Variants in ARHGAP33 observed in about 807,000 individuals in gnomAD.
The protein encoded by ARHGAP33 is rho GTPase-activating protein 33.
Under a neutral mutation model 126.2 loss-of-function variants are expected in ARHGAP33, and 57 were observed. That is an observed-to-expected ratio of 0.45 (90% CI 0.36 to 0.56). The LOEUF (loss-of-function observed/expected upper bound fraction) is 0.56, where lower values mean the gene tolerates loss of function less well. Among genes scored for constraint, ARHGAP33 ranks in the 20% least tolerant of loss-of-function variants. The pLI, the probability that ARHGAP33 is intolerant of heterozygous loss-of-function variation, is 0.00. For missense variants in ARHGAP33, 1,500 were observed against 1,748.3 expected, an observed-to-expected ratio of 0.86 and a Z score of 2.53; for synonymous variants, 711 against 755.0, an observed-to-expected ratio of 0.94 and a Z score of 0.95.
chr19:35,784,549 C>T (rs1196804824), intron 16 of ARHGAP33: 4 of 1,318,188 alleles, frequency 3.0e-6, no homozygotes, highest in Middle Eastern at 2.8e-4. Context: ...TCCTTCACCC[C>T]TTGTAGCTCC....
intron 16 of ARHGAP33, 192 bp from the exon 17 acceptor site, chr19:35,784,761 C>A: frequency 7.3e-7 from 1 of 1,360,680 alleles, no homozygotes. Context: ...GCCTCCTCAT[C>A]AGCTCGTCCC....
At position 35,782,737 on chromosome 19, in the gene ARHGAP33, G is replaced by A. The variant is rs949420009; in HGVS notation, c.1314-25G>A. 2 of 1,611,298 alleles carry A rather than the reference G, an allele frequency of 1.2e-6. No homozygotes were observed. The highest frequency in any genetic ancestry group is 1.7e-6 in the Non-Finnish European group (2 of 1,178,632). ...GGATTCCAAGGGGGTTGAGGCTCAG[G>A]TGCCCCCTCTGCTCCCACCCCCAGG... On this transcript the variant is annotated intron_variant, in intron 14 of 20. Coordinates refer to ENST00000007510, the MANE Select transcript of ARHGAP33 (RefSeq NM_001366178.1). This position sits in a 1 kb window ranked among gnomAD's most constrained non-coding sequence, Gnocchi z 4.1.
intron 15 of ARHGAP33, among the ~76,000 whole-genome samples, chr19:35,783,354 G>C (rs1448781900): frequency 6.6e-6 from 1 of 152,220 alleles, no homozygotes; most frequent in Non-Finnish European, 1.5e-5. Flanking sequence ...GTCAGAGGAC[G>C]GGCGTAAGAT....
At chr19:35,784,642 C>G (rs1460278588) in intron 16 of ARHGAP33, 1 of 802,706 alleles carries the variant, frequency 1.2e-6, no homozygotes, top group Non-Finnish European at 1.6e-6. Flanking sequence ...CACCCAGACT[C>G]CCCGCCCTGC....
rs1599788480 is a variant in ARHGAP33, at chr19:35,782,958, G to A, written c.1421+89G>A. 8.7e-6 allele frequency: 10 copies of A among 1,153,934 alleles called. No individual in the cohort carries two copies. The highest frequency in any genetic ancestry group is 2.6e-5 in the East Asian group (1 of 38,926). The allele number at this position is 1,153,934 out of a possible 1,614,324, so 71.5% of individuals were successfully genotyped here. A position where few individuals can be genotyped will look rare whatever the true frequency, so the allele number is the denominator to read the frequency against. On this transcript the variant is annotated intron_variant, in intron 15 of 20. Transcript: ENST00000007510. The surrounding 1 kb of genome is among the most constrained non-coding windows in gnomAD (Gnocchi z 4.1). ...CCAGCTTTTCTTTTGTTTATTCATCGAATACGTGTCTATCAAATACCTCCC... is the reference window on the plus strand; with the variant it reads ...CCAGCTTTTCTTTTGTTTATTCATCAAATACGTGTCTATCAAATACCTCCC...
intron 4 of ARHGAP33, 34 bp from the exon 5 acceptor site, chr19:35,778,430 G>T: frequency 6.2e-7 from 1 of 1,614,084 alleles, no homozygotes; most frequent in Non-Finnish European, 8.5e-7. Flanking sequence ...GTGTCATGGG[G>T]CCCCTGCTCC....
Position 35,786,898 on chromosome 19 carries a change from C to T in ARHGAP33, c.2428C>T (p.Leu810=). 1 of 1,609,320 alleles carries T rather than the reference C, an allele frequency of 6.2e-7. No individual in the cohort carries two copies. The highest frequency in any genetic ancestry group is 8.5e-7 in the Non-Finnish European group (1 of 1,179,272). ...ATCAGTGCCACCCGCTGTCCTAGAA[C>T]TGCTGGGGGCTGGGGGAGCACCTGC... is the stretch of plus-strand genomic sequence containing the variant. ...AVSVPPAVLE[L]LGAGGAPASA... Residue 810 remains leucine, a synonymous_variant, in exon 20 of 21, where the codon CTG becomes TTG. Coordinates refer to ENST00000007510, the MANE Select transcript of ARHGAP33 (RefSeq NM_001366178.1). The surrounding 1 kb of genome is among the most constrained non-coding windows in gnomAD (Gnocchi z 7.0).
chr19:35,786,607 C>A lies in ARHGAP33; in HGVS notation c.2137C>A (p.Arg713Ser), dbSNP rs866706409. ...GGCACTCTCTGGGTCTCCCTCACAC[C>A]GTACCTCAGCCTGGCTAGATGATGG... ...LGALSGSPSH[R>S]TSAWLDDGDE... Residue 713 changes from arginine (R) to serine (S), a missense_variant, in exon 20 of 21, where the codon CGT (arginine) becomes AGT (serine). Physicochemically the swap from Arg to Ser is moderately radical, Grantham distance 110 (BLOSUM62 -1). This residue lies in a region of ARHGAP33 where 300 missense variants were observed against 291.1 expected (regional missense o/e 1.03). Transcript: ENST00000007510. This position sits in a 1 kb window ranked among gnomAD's most constrained non-coding sequence, Gnocchi z 7.0. 1.3e-6 allele frequency: 2 copies of A among 1,535,960 alleles called. No individual in the cohort carries two copies. Among genetic ancestry groups the A allele is most frequent in the Non-Finnish European group, 1.7e-6 (2 of 1,146,830 alleles).
chr19:35,779,316 G>A, intron 6 of ARHGAP33, 192 bp downstream of exon 6: 1 of 579,140 alleles, frequency 1.7e-6, no homozygotes, highest in Non-Finnish European at 3.1e-6. Flanking sequence ...GTGCACGTGT[G>A]TGTGTTAGCA....
At chr19:35,778,740 C>T in intron 5 of ARHGAP33, 139 bp downstream of exon 5, 6 of 1,256,214 alleles carry the variant, frequency 4.8e-6, no homozygotes, top group Non-Finnish European at 5.4e-6. Flanking sequence ...AATGGAGAAG[C>T]CTTAGAAACG....
Position 35,786,050 on chromosome 19 carries a change from G to A in ARHGAP33, c.1943-363G>A, listed in dbSNP as rs553051927. The A allele has an allele frequency of 2.2e-5, 26 of 1,164,724 alleles. No individual in the cohort carries two copies. Among genetic ancestry groups the A allele is most frequent in the African/African-American group, 1.4e-4 (9 of 62,916 alleles). 72.1% of individuals were successfully genotyped at this position (1,164,724 alleles called of 1,614,324 possible). A position where few individuals can be genotyped will look rare whatever the true frequency, so the allele number is the denominator to read the frequency against. On this transcript the variant is annotated intron_variant, in intron 19 of 20. Coordinates refer to ENST00000007510, the MANE Select transcript of ARHGAP33 (RefSeq NM_001366178.1). The surrounding 1 kb of genome is among the most constrained non-coding windows in gnomAD (Gnocchi z 7.0). ...TGCTGCTCTCCGACCTCTGCGGGGG[G>A]CTGCTTATCCACCCCACCCAGCCGT...
Position 35,777,675 on chromosome 19 carries a change from G to C in ARHGAP33, c.37G>C (p.Gly13Arg). Reference protein sequence around the residue: ...ARSTDSLDGPGEGSVQPLPTA... With the variant: ...ARSTDSLDGPREGSVQPLPTA... Reference sequence around the variant, plus strand: ...CAGCACTGACAGCCTGGATGGCCCAGGGGAGGGCTCGGTGCAGCCTCTACC... The same window carrying C: ...CAGCACTGACAGCCTGGATGGCCCACGGGAGGGCTCGGTGCAGCCTCTACC... Residue 13 changes from glycine to arginine, a missense_variant, in exon 2 of 21, where the codon GGG becomes CGG. This residue lies in a region of ARHGAP33 where 129 missense variants were observed against 145.9 expected (regional missense o/e 0.88). Coordinates refer to ENST00000007510, the MANE Select transcript of ARHGAP33 (RefSeq NM_001366178.1). The C allele has an allele frequency of 6.3e-7, 1 of 1,586,012 alleles. No homozygotes were observed. Among genetic ancestry groups the C allele is most frequent in the South Asian group, 1.1e-5 (1 of 87,858 alleles).
chr19:35,784,848 G>T, intron 16 of ARHGAP33, 105 bp from the exon 17 acceptor site: 2 of 1,250,718 alleles, frequency 1.6e-6, no homozygotes, highest in Non-Finnish European at 1.0e-6. Context: ...TTGCCAGCCC[G>T]GGTGGGCATG....
intron 19 of ARHGAP33, 103 bp downstream of exon 19, chr19:35,785,586 G>A (rs1972071250): frequency 4.5e-6 from 7 of 1,549,032 alleles, no homozygotes; most frequent in Admixed American, 2.0e-5. Context: ...CACATTTGGG[G>A]GCCCTGGGGC....
At position 35,782,730 on chromosome 19, in the gene ARHGAP33, G is replaced by A. The variant is rs757289496; in HGVS notation, c.1314-32G>A. 5.0e-6 allele frequency: 8 copies of A among 1,611,120 alleles called. 1 individual carries two copies. In the South Asian group the frequency reaches 7.7e-5, roughly 16 times the overall value. ...CTTGGTGGGATTCCAAGGGGGTTGA[G>A]GCTCAGGTGCCCCCTCTGCTCCCAC... On this transcript the variant is annotated intron_variant, in intron 14 of 20. Coordinates refer to ENST00000007510, the MANE Select transcript of ARHGAP33 (RefSeq NM_001366178.1). The surrounding 1 kb of genome is among the most constrained non-coding windows in gnomAD (Gnocchi z 4.1).
rs764058770 is a variant in ARHGAP33 at position 35,780,625 on chromosome 19, G to C, written c.746G>C (p.Arg249Pro). Residue 249 changes from arginine (R) to proline (P), a missense_variant, in exon 9 of 21, where the codon CGG becomes CCG. Arg to Pro is a moderately radical substitution (Grantham distance 103). Around this residue, in one of 6 missense-constraint regions of ARHGAP33, gnomAD observed 281 missense variants for 413.7 expected, o/e 0.68. Transcript: ENST00000007510. The stretch of plus-strand genomic sequence containing the variant: ...GAGTGTGTGGAACTCTTCACAGAGC[G>C]GCCAGGTCCGGGCCTGAAGGCGGGT... ...PSECVELFTERPGPGLKADAD... is the reference protein window; with the variant it reads ...PSECVELFTEPPGPGLKADAD... 5 of 1,612,794 alleles carry C rather than the reference G, an allele frequency of 3.1e-6. No homozygotes were observed. Among genetic ancestry groups the C allele is most frequent in the Non-Finnish European group, 4.2e-6 (5 of 1,179,774 alleles).
chr19:35,781,461 C>G (rs539095271), intron 12 of ARHGAP33, among the ~76,000 whole-genome samples: 16 of 152,338 alleles, frequency 1.1e-4, no homozygotes, highest in African/African-American at 3.6e-4. Context: ...AGGCACTGTT[C>G]TAGGCACTGG....
At position 35,787,600 on chromosome 19, in the gene ARHGAP33, C is replaced by G; in HGVS notation, c.3035C>G (p.Ala1012Gly). 6.2e-7 allele frequency: 1 copy of G among 1,605,034 alleles called. No individual in the cohort carries two copies. The highest frequency in any genetic ancestry group is 2.2e-5 in the East Asian group (1 of 44,820). ...AGGGCAGGTGGCGGGGGCAGGGATG[C>G]GCCAGAGGCAGCAGCCCAGTCCCCA... ...QLRAGGGGRD[A>G]PEAAAQSPCS... is the part of the protein sequence containing the mutation. Residue 1012 changes from alanine to glycine, a missense_variant, in exon 21 of 21, where the codon GCG becomes GGG. By Grantham distance (60) the Ala-to-Gly change is moderately conservative (BLOSUM62 0). This residue lies in a region of ARHGAP33 where 642 missense variants were observed against 634.0 expected (regional missense o/e 1.01). Transcript: ENST00000007510.
At chr19:35,780,857 C>G (rs776261024) in intron 10 of ARHGAP33, 41 bp downstream of exon 10, 1 of 1,613,320 alleles carries the variant, frequency 6.2e-7, no homozygotes, top group Non-Finnish European at 8.5e-7. Context: ...CCTACCCCAC[C>G]AGGCCCCTGG....
Sources: gnomAD v4.1 joint callset for allele counts (sites outside exome capture counted in the v4.1 genomes callset) on GRCh38, gnomAD v4.1.1 for gene constraint, gnomAD v4.1.1 regional missense constraint, Gnocchi (gnomAD v3.1) non-coding constraint, MANE v1.5 for transcripts, NCBI Gene and HGNC (gene_info 2026-07-23, HGNC 2026-07-21) for gene names.